CSMD1: variants seen among roughly 807,000 people sequenced by gnomAD.
The protein encoded by CSMD1 is CUB and sushi domain-containing protein 1.
CSMD1 carries 213 observed loss-of-function variants against 417.5 expected under a neutral mutation model. The observed-to-expected ratio is 0.51, with a 90% confidence interval of 0.46 to 0.57. The LOEUF is 0.57. CSMD1 is among the 20% of genes least tolerant of loss of function. The pLI, the probability that CSMD1 is intolerant of heterozygous loss-of-function variation, is 0.00. For synonymous variants in CSMD1, 2,862 were observed against 1,736.8 expected, an observed-to-expected ratio of 1.65 and a Z score of -16.11; for missense variants, 6,923 against 4,529.7, an observed-to-expected ratio of 1.53 and a Z score of -15.17.
At chr8:4,955,944 G>C (rs1391319449) in intron 1 of CSMD1, among the ~76,000 whole-genome samples, 2 of 152,180 alleles carry the variant, frequency 1.3e-5, no homozygotes, top group Non-Finnish European at 2.9e-5. Context: ...CAGATGAATG[G>C]CTGAGTTTGA....
chr8:4,911,107 A>C (rs1805641886), intron 1 of CSMD1, among the ~76,000 whole-genome samples: 2 of 152,332 alleles, frequency 1.3e-5, no homozygotes, highest in African/African-American at 4.8e-5. Context: ...TGGAACTGTA[A>C]GTCCATTAAA....
intron 3 of CSMD1, among the ~76,000 whole-genome samples, chr8:4,245,998 C>T (rs1208279931): frequency 1.3e-5 from 2 of 152,164 alleles, no homozygotes; most frequent in African/African-American, 2.4e-5. Flanking sequence ...CATGAACATG[C>T]AACCTAGGTC....
chr8:4,342,066 C>G (rs1029433322), intron 3 of CSMD1, among the ~76,000 whole-genome samples: 1 of 152,050 alleles, frequency 6.6e-6, no homozygotes, highest in African/African-American at 2.4e-5. Flanking sequence ...CCTGAAGATC[C>G]TGCAGTTCAA....
In CSMD1 at chr8:3,230,244, G is replaced by T. The variant is rs1428694896; in HGVS notation, c.4154-13C>A. On this transcript the variant is annotated splice_polypyrimidine_tract_variant and intron_variant, in intron 26 of 69. Transcript: ENST00000635120. Reference sequence around the variant, plus strand: ...GCTGCAATTGAGGCTGCAAACAAAAGAGAAGGCAAGGTCACAGGCTGGAAA... The same window carrying T: ...GCTGCAATTGAGGCTGCAAACAAAATAGAAGGCAAGGTCACAGGCTGGAAA... 1.3e-6 allele frequency: 2 copies of T among 1,556,180 alleles called. No homozygotes were observed. Among genetic ancestry groups the T allele is most frequent in the Non-Finnish European group, 1.7e-6 (2 of 1,148,114 alleles).
chr8:4,728,148 A>C (rs1032181203), intron 1 of CSMD1, among the ~76,000 whole-genome samples: 1 of 147,212 alleles, frequency 6.8e-6, no homozygotes, highest in South Asian at 2.1e-4. Context: ...CTATATATCA[A>C]ATATATATAT....
chr8:3,696,895 G>C (rs572178074), intron 7 of CSMD1, among the ~76,000 whole-genome samples: 5 of 152,200 alleles, frequency 3.3e-5, no homozygotes, highest in Admixed American at 6.5e-5. Context: ...CATGAAAATA[G>C]ATTTATGAAA....
At chr8:4,857,818 C>T (rs1054991609) in intron 1 of CSMD1, among the ~76,000 whole-genome samples, 6 of 151,540 alleles carry the variant, frequency 4.0e-5, no homozygotes, top group Non-Finnish European at 5.9e-5. Flanking sequence ...GATTCACAGC[C>T]GAATTCCACC....
intron 2 of CSMD1, among the ~76,000 whole-genome samples, chr8:4,583,717 C>T (rs961724811): frequency 2.0e-5 from 3 of 152,108 alleles, no homozygotes; most frequent in African/African-American, 7.2e-5. Context: ...ATTGTAAACA[C>T]ACCAGTCAGC....
intron 6 of CSMD1, among the ~76,000 whole-genome samples, chr8:3,730,314 G>C (rs1026444456): frequency 1.3e-5 from 2 of 150,306 alleles, no homozygotes; most frequent in African/African-American, 2.4e-5. Flanking sequence ...CCTTCATGTA[G>C]ATAAATGAAC....
At chr8:4,740,878 T>C (rs1810559083) in intron 1 of CSMD1, among the ~76,000 whole-genome samples, 2 of 152,194 alleles carry the variant, frequency 1.3e-5, no homozygotes, top group African/African-American at 2.4e-5. Flanking sequence ...TGAGACATCA[T>C]GCTCCTTTTT....
intron 3 of CSMD1, among the ~76,000 whole-genome samples, chr8:4,193,164 C>G (rs1029198414): frequency 4.6e-5 from 7 of 152,158 alleles, no homozygotes; most frequent in African/African-American, 1.7e-4. Flanking sequence ...TGCCCAGTAC[C>G]ATGCATTTAA....
At chr8:3,456,039 G>C (rs74212919) in intron 12 of CSMD1, among the ~76,000 whole-genome samples, 1 of 151,982 alleles carries the variant, frequency 6.6e-6, no homozygotes, top group South Asian at 2.1e-4. Context: ...CCTCGCCGCC[G>C]CCTTGCTATT....
intron 5 of CSMD1, among the ~76,000 whole-genome samples, chr8:3,799,038 A>T (rs1316972911): frequency 6.6e-6 from 1 of 152,028 alleles, no homozygotes; most frequent in Non-Finnish European, 1.5e-5. Flanking sequence ...AAAAGTTAAC[A>T]ATCTTTGTAT....
At chr8:3,998,878 A>T (rs899048158) in intron 4 of CSMD1, among the ~76,000 whole-genome samples, 5 of 149,808 alleles carry the variant, frequency 3.3e-5, no homozygotes, top group Middle Eastern at 3.6e-3. Context: ...TAGTTGATAT[A>T]TATAACATAT....
At chr8:3,709,472 T>C (rs183896316) in intron 6 of CSMD1, among the ~76,000 whole-genome samples, 2 of 152,010 alleles carry the variant, frequency 1.3e-5, no homozygotes, top group Non-Finnish European at 2.9e-5. Flanking sequence ...GCTCAGACAT[T>C]GGGCCAGAGG....
chr8:3,148,858 C>T (rs910301472), intron 40 of CSMD1, among the ~76,000 whole-genome samples: 3 of 152,330 alleles, frequency 2.0e-5, no homozygotes, highest in Admixed American at 6.5e-5. Flanking sequence ...TAGAATTTAT[C>T]ACAGGCAAAC....
intron 36 of CSMD1, among the ~76,000 whole-genome samples, chr8:3,181,931 G>C (rs1821358253): frequency 6.6e-6 from 1 of 152,066 alleles, no homozygotes; most frequent in African/African-American, 2.4e-5. Context: ...GAGACATTTT[G>C]GTGGAATGAA....
At chr8:4,787,480 C>G (rs1797466355) in intron 1 of CSMD1, 1 of 857,800 alleles carries the variant, frequency 1.2e-6, no homozygotes, top group African/African-American at 1.7e-5. Context: ...AAGCTGCAAT[C>G]TCAAAGAAAA....
At chr8:3,313,513 G>A (rs1427055387) in intron 23 of CSMD1, among the ~76,000 whole-genome samples, 16 of 152,174 alleles carry the variant, frequency 1.1e-4, no homozygotes, top group Admixed American at 1.0e-3. Context: ...ATGAAAAAAT[G>A]CTCATCATCA....
Sources: allele counts gnomAD v4.1 joint callset (sites outside exome capture counted in the v4.1 genomes callset), GRCh38; gene constraint gnomAD v4.1.1; transcripts MANE v1.5; gene names NCBI Gene and HGNC (gene_info 2026-07-23, HGNC 2026-07-21).